Variants in GRAMD2B observed in about 807,000 individuals in gnomAD.
GRAMD2B encodes the protein GRAM domain containing 2B, also known as GRAM domain-containing protein 2B.
Under a neutral mutation model 59.2 loss-of-function variants are expected in GRAMD2B, and 41 were observed. That is an observed-to-expected ratio of 0.69 (90% CI 0.54 to 0.90). The LOEUF is 0.90. Ranked by LOEUF, GRAMD2B falls within the 40% of genes least tolerant of loss-of-function variation. The pLI, the probability that GRAMD2B is intolerant of heterozygous loss-of-function variation, is 0.00. For synonymous variants in GRAMD2B, 161 were observed against 182.7 expected (o/e 0.88, Z 0.96); for missense variants, 424 against 500.5 (o/e 0.85, Z 1.46).
intron 1 of GRAMD2B, among the ~76,000 whole-genome samples, chr5:126,427,765 T>C (rs1297289775): frequency 6.6e-6 from 1 of 152,210 alleles, no homozygotes; most frequent in Non-Finnish European, 1.5e-5. Flanking sequence ...CAGATTGAAG[T>C]TGGGAACTGA....
chr5:126,477,484 A>G (rs766366081), intron 5 of GRAMD2B, among the ~76,000 whole-genome samples: 1 of 152,156 alleles, frequency 6.6e-6, no homozygotes, highest in African/African-American at 2.4e-5. Flanking sequence ...ATTAAGATTT[A>G]TCCTCTGGCT....
chr5:126,400,848 G>T (rs1479168595), intron 1 of GRAMD2B, among the ~76,000 whole-genome samples: 1 of 152,064 alleles, frequency 6.6e-6, no homozygotes, highest in East Asian at 1.9e-4. Context: ...TATGTGACAG[G>T]TAACTTTTCT....
At chr5:126,392,507 A>G (rs971969227) in intron 1 of GRAMD2B, among the ~76,000 whole-genome samples, 6 of 152,212 alleles carry the variant, frequency 3.9e-5, no homozygotes, top group African/African-American at 9.6e-5. Context: ...CTGGTCACAC[A>G]GGCACTCTCT....
chr5:126,394,138 G>A (rs1304043947), intron 1 of GRAMD2B, among the ~76,000 whole-genome samples: 1 of 152,002 alleles, frequency 6.6e-6, no homozygotes, highest in African/African-American at 2.4e-5. Flanking sequence ...AGCCGGGAGT[G>A]GTGGCGGGTG....
chr5:126,378,842 A>G (rs1414177013), intron 1 of GRAMD2B, among the ~76,000 whole-genome samples: 1 of 152,168 alleles, frequency 6.6e-6, no homozygotes, highest in East Asian at 1.9e-4. Context: ...TTTTTTTCAG[A>G]CCACCAAAAA....
At chr5:126,395,519 C>T (rs1370320530) in intron 1 of GRAMD2B, among the ~76,000 whole-genome samples, 1 of 152,178 alleles carries the variant, frequency 6.6e-6, no homozygotes, top group East Asian at 1.9e-4. Context: ...CCAGGCAACA[C>T]AAAATTCACA....
intron 1 of GRAMD2B, among the ~76,000 whole-genome samples, chr5:126,379,996 G>T (rs1177347297): frequency 6.6e-6 from 1 of 152,216 alleles, no homozygotes; most frequent in Non-Finnish European, 1.5e-5. Context: ...CCAATGTCTA[G>T]AAGGGTTTTT....
intron 2 of GRAMD2B, among the ~76,000 whole-genome samples, chr5:126,468,016 C>A (rs750730264): frequency 1.8e-4 from 27 of 152,100 alleles, no homozygotes; most frequent in Non-Finnish European, 3.4e-4. Flanking sequence ...CACTTTGAAC[C>A]AATTTTTTTT....
chr5:126,421,827 T>C (rs527424478), upstream of GRAMD2B, among the ~76,000 whole-genome samples: 1 of 152,220 alleles, frequency 6.6e-6, no homozygotes, highest in South Asian at 2.1e-4. Context: ...ACAAACTACA[T>C]ACATACATGT....
chr5:126,457,788 G>A (rs1766594646), intron 1 of GRAMD2B, among the ~76,000 whole-genome samples: 1 of 152,136 alleles, frequency 6.6e-6, no homozygotes, highest in South Asian at 2.1e-4. Context: ...GCTGGACTAG[G>A]GTGAGGGAAG....
chr5:126,471,243 T>C (rs1416863460), intron 3 of GRAMD2B, among the ~76,000 whole-genome samples: 1 of 152,194 alleles, frequency 6.6e-6, no homozygotes, highest in Non-Finnish European at 1.5e-5. Flanking sequence ...GTGAGGCAGA[T>C]TGATCCTGTG....
chr5:126,410,787 C>T (rs1758712725), intron 1 of GRAMD2B, among the ~76,000 whole-genome samples: 1 of 151,958 alleles, frequency 6.6e-6, no homozygotes, highest in Admixed American at 6.6e-5. Context: ...TGTTTTTTGA[C>T]TTTTTCATAA....
chr5:126,435,214 C>T (rs1025929177), intron 1 of GRAMD2B, among the ~76,000 whole-genome samples: 3 of 152,136 alleles, frequency 2.0e-5, no homozygotes, highest in African/African-American at 7.2e-5. Context: ...TAACTAATAC[C>T]ATGTGATAAG....
intron 1 of GRAMD2B, among the ~76,000 whole-genome samples, chr5:126,396,302 A>G (rs966137374): frequency 6.6e-6 from 1 of 151,914 alleles, no homozygotes; most frequent in Non-Finnish European, 1.5e-5. Context: ...CTCATTAGTT[A>G]TTTTTCCTGA....
chr5:126,427,112 TTTTG>T (rs1036017980), intron 1 of GRAMD2B, among the ~76,000 whole-genome samples: 1 of 152,194 alleles, frequency 6.6e-6, no homozygotes, highest in South Asian at 2.1e-4. Flanking sequence ...TTGCTCTAAC[TTTTG>T]TTTGTTTGTT....
chr5:126,381,318 A>T (rs1447362102), intron 1 of GRAMD2B, among the ~76,000 whole-genome samples: 3 of 151,680 alleles, frequency 2.0e-5, no homozygotes, highest in Non-Finnish European at 4.4e-5. Context: ...TTTATTGAGG[A>T]TTTTCTCATC....
In GRAMD2B at chr5:126,477,792, G is replaced by A; in HGVS notation, c.582+5G>A. On this transcript the variant is annotated splice_donor_5th_base_variant and intron_variant, in intron 6 of 13. Coordinates refer to ENST00000285689, the MANE Select transcript of GRAMD2B (RefSeq NM_023927.4). ...ATAGCAACAGTCACAGACAGGGTGAGTATGCAGCCGAGCGAGGGCATCTTT... is the reference window on the plus strand; with the variant it reads ...ATAGCAACAGTCACAGACAGGGTGAATATGCAGCCGAGCGAGGGCATCTTT... 6.4e-7 allele frequency: 1 copy of A among 1,571,350 alleles called. No individual in the cohort carries two copies. The highest frequency in any genetic ancestry group is 8.8e-7 in the Non-Finnish European group (1 of 1,141,166).
At chr5:126,387,294 C>A (rs993327577) in intron 1 of GRAMD2B, among the ~76,000 whole-genome samples, 1 of 151,402 alleles carries the variant, frequency 6.6e-6, no homozygotes, top group Non-Finnish European at 1.5e-5. Flanking sequence ...AGGATTATCT[C>A]TTTTTATAAA....
chr5:126,384,102 A>C (rs1000335400), intron 1 of GRAMD2B, among the ~76,000 whole-genome samples: 3 of 152,136 alleles, frequency 2.0e-5, no homozygotes, highest in Non-Finnish European at 4.4e-5. Context: ...CACATAGAAA[A>C]AACTCTACTT....
Sources: allele counts gnomAD v4.1 joint callset (sites outside exome capture counted in the v4.1 genomes callset), GRCh38; gene constraint gnomAD v4.1.1; transcripts MANE v1.5; gene names NCBI Gene and HGNC (gene_info 2026-07-23, HGNC 2026-07-21).